CNTN5: variants seen among roughly 807,000 people sequenced by gnomAD.
CNTN5 encodes contactin 5.
In CNTN5, 77 loss-of-function variants were observed where a neutral mutation model predicts 129.1. The ratio of observed to expected loss-of-function variants is 0.60; its 90% confidence interval spans 0.50 to 0.72. The LOEUF (loss-of-function observed/expected upper bound fraction) is 0.72, where lower values mean the gene tolerates loss of function less well. Ranked by LOEUF, CNTN5 falls within the 30% of genes least tolerant of loss-of-function variation. CNTN5 has a pLI of 0.00. For missense variants in CNTN5, 1,478 were observed against 1,328.8 expected, an observed-to-expected ratio of 1.11 and a Z score of -1.75; for synonymous variants, 509 against 465.6, an observed-to-expected ratio of 1.09 and a Z score of -1.20.
chr11:99,222,524 A>G (rs1279509778), intron 1 of CNTN5, among the ~76,000 whole-genome samples: 1 of 152,056 alleles, frequency 6.6e-6, no homozygotes, highest in Admixed American at 6.6e-5. Context: ...AATCAACCTT[A>G]TGAACATTTT....
rs147506296 is a variant in CNTN5, at chr11:99,292,991, C to T, written c.-209-32355C>T. Among the ~76,000 whole-genome samples, 814 of 152,194 alleles carry T rather than the reference C, an allele frequency of 5.3e-3. 9 individuals carry two copies. Among genetic ancestry groups the T allele is most frequent in the African/African-American group, 0.019 (775 of 41,538 alleles). On this transcript the variant is annotated intron_variant, in intron 1 of 24. Transcript: ENST00000524871. Reference sequence around the variant, plus strand: ...TACCCTGTAAGTGCACTTAATAGGCCCCCCTTTAATTTCTATTGTTCATAG... The same window carrying T: ...TACCCTGTAAGTGCACTTAATAGGCTCCCCTTTAATTTCTATTGTTCATAG...
intron 2 of CNTN5, among the ~76,000 whole-genome samples, chr11:99,553,619 G>A (rs962759162): frequency 6.6e-6 from 1 of 151,738 alleles, no homozygotes; most frequent in South Asian, 2.1e-4. Context: ...AATTTCAGAT[G>A]TCTCATCATA....
chr11:100,320,540 G>C (rs1951669243), intron 21 of CNTN5, among the ~76,000 whole-genome samples: 1 of 151,998 alleles, frequency 6.6e-6, no homozygotes, highest in Non-Finnish European at 1.5e-5. Flanking sequence ...AAACTTTGTA[G>C]TTTGATGTAA....
chr11:99,064,043 C>G (rs1005297438), intron 1 of CNTN5, among the ~76,000 whole-genome samples: 4 of 152,046 alleles, frequency 2.6e-5, no homozygotes, highest in Non-Finnish European at 4.4e-5. Flanking sequence ...TTAAGTAGTA[C>G]TGGATAATGT....
intron 18 of CNTN5, among the ~76,000 whole-genome samples, chr11:100,295,395 T>C (rs1467258996): frequency 3.3e-5 from 5 of 151,496 alleles, no homozygotes; most frequent in African/African-American, 1.2e-4. Context: ...CCTCTTTTGC[T>C]TTCTTAGTTT....
At chr11:99,704,037 A>T (rs1214342598) in intron 3 of CNTN5, among the ~76,000 whole-genome samples, 4 of 149,940 alleles carry the variant, frequency 2.7e-5, no homozygotes, top group Non-Finnish European at 6.0e-5. Flanking sequence ...ATAAATAATT[A>T]TATGTGTGTA....
At chr11:100,064,879 A>G (rs989232619) in intron 10 of CNTN5, among the ~76,000 whole-genome samples, 1 of 152,130 alleles carries the variant, frequency 6.6e-6, no homozygotes, top group African/African-American at 2.4e-5. Context: ...CAGGAAGGAC[A>G]AACATCATTT....
At chr11:100,323,641 C>CG (rs1201879197) in intron 21 of CNTN5, among the ~76,000 whole-genome samples, 1 of 128,856 alleles carries the variant, frequency 7.8e-6, no homozygotes, top group African/African-American at 3.6e-5. Flanking sequence ...CCTCCTCCCC[C>CG]CCCCTTCTTT....
At chr11:99,596,711 A>G (rs1351023597) in intron 3 of CNTN5, among the ~76,000 whole-genome samples, 1 of 152,220 alleles carries the variant, frequency 6.6e-6, no homozygotes, top group Non-Finnish European at 1.5e-5. Flanking sequence ...CAGATAGCCA[A>G]TTCTCTTTTC....
intron 1 of CNTN5, among the ~76,000 whole-genome samples, chr11:99,182,867 ATAATT>A (rs955022557): frequency 3.1e-4 from 47 of 152,328 alleles, no homozygotes; most frequent in African/African-American, 1.1e-3. Context: ...AAATATTAAC[ATAATT>A]TAAAATATAA....
chr11:99,783,958 TGTAAA>T (rs1481272704), intron 3 of CNTN5, among the ~76,000 whole-genome samples: 2 of 151,502 alleles, frequency 1.3e-5, no homozygotes, highest in South Asian at 4.2e-4. Context: ...TACCCTAAAA[TGTAAA>T]GTATAATAAA....
At chr11:99,221,550 CT>C (rs1394601945) in intron 1 of CNTN5, among the ~76,000 whole-genome samples, 3 of 151,822 alleles carry the variant, frequency 2.0e-5, no homozygotes, top group Non-Finnish European at 4.4e-5. Flanking sequence ...GTTTATTCCC[CT>C]GATGGAAAAA....
At chr11:99,659,228 A>G (rs1952506618) in intron 3 of CNTN5, among the ~76,000 whole-genome samples, 2 of 152,136 alleles carry the variant, frequency 1.3e-5, no homozygotes, top group South Asian at 4.1e-4. Context: ...GACTTTCTGA[A>G]TGAGTAATAA....
Position 99,962,718 on chromosome 11 carries a change from C to G in CNTN5, c.877+5709C>G, listed in dbSNP as rs549117482. Among the ~76,000 whole-genome samples, 35 of 151,354 alleles carry G rather than the reference C, an allele frequency of 2.3e-4. No homozygotes were observed. In the East Asian group the frequency reaches 2.5e-3, roughly 11 times the overall value. On this transcript the variant is annotated intron_variant, in intron 8 of 24. Coordinates refer to ENST00000524871, the MANE Select transcript of CNTN5 (RefSeq NM_014361.4). ...AAATGGTATTTCTAGTTCTAGATCC[C>G]TGAGGAATCGCCACACTGACTTCCA...
At chr11:99,971,397 G>C (rs528045994) in intron 8 of CNTN5, among the ~76,000 whole-genome samples, 1 of 151,830 alleles carries the variant, frequency 6.6e-6, no homozygotes, top group Admixed American at 6.6e-5. Context: ...ACAAAAATTA[G>C]CTGGGCGTGG....
At chr11:99,322,208 TC>T (rs1187073329) in intron 1 of CNTN5, among the ~76,000 whole-genome samples, 1 of 152,098 alleles carries the variant, frequency 6.6e-6, no homozygotes, top group Non-Finnish European at 1.5e-5. Context: ...GTGAGGCCTT[TC>T]CCCCAGCTTG....
chr11:99,458,181 TAAGAA>T (rs1194049713), intron 2 of CNTN5, among the ~76,000 whole-genome samples: 1 of 152,018 alleles, frequency 6.6e-6, no homozygotes, highest in Non-Finnish European at 1.5e-5. Context: ...TAACTATTGT[TAAGAA>T]AAGATATGTA....
intron 1 of CNTN5, among the ~76,000 whole-genome samples, chr11:99,301,938 T>C (rs543670079): frequency 6.6e-6 from 1 of 151,580 alleles, no homozygotes; most frequent in South Asian, 2.1e-4. Flanking sequence ...GTTTTAAAAA[T>C]TGAATATTTG....
chr11:100,306,147 T>C lies in CNTN5; in HGVS notation c.2621-2212T>C, dbSNP rs139683053. Among the ~76,000 whole-genome samples, 34 of 151,732 alleles carry C rather than the reference T, an allele frequency of 2.2e-4. No homozygotes were observed. In the East Asian group the frequency reaches 6.6e-3, roughly 30 times the overall value. ...CATTCAGTTATATGAAATTATAACA[T>C]GCAGCTCCCCAAAATGCAAATGTGA... is the stretch of plus-strand genomic sequence containing the variant. On this transcript the variant is annotated intron_variant, in intron 20 of 24. Transcript: ENST00000524871.
Sources: allele counts gnomAD v4.1 joint callset (sites outside exome capture counted in the v4.1 genomes callset), GRCh38; gene constraint gnomAD v4.1.1; transcripts MANE v1.5; gene names NCBI Gene and HGNC (gene_info 2026-07-23, HGNC 2026-07-21).